GABRG3: variants seen among roughly 807,000 people sequenced by gnomAD.
GABRG3 encodes gamma-aminobutyric acid type A receptor subunit gamma3.
Under a neutral mutation model 48.8 loss-of-function variants are expected in GABRG3, and 25 were observed. That is an observed-to-expected ratio of 0.51 (90% confidence interval 0.37 to 0.72). GABRG3 has a LOEUF of 0.72. Ranked by LOEUF, GABRG3 falls within the 30% of genes least tolerant of loss-of-function variation. The pLI is 0.00. For synonymous variants in GABRG3, 227 were observed against 217.6 expected, an observed-to-expected ratio of 1.04 and a Z score of -0.38; for missense variants, 394 against 577.9, an observed-to-expected ratio of 0.68 and a Z score of 3.26.
At chr15:27,125,869 A>C (rs1300161781) in intron 3 of GABRG3, among the ~76,000 whole-genome samples, 1 of 152,236 alleles carries the variant, frequency 6.6e-6, no homozygotes. Flanking sequence ...ACTATTGCAA[A>C]CACCAAATGA....
At chr15:27,387,861 AGGAAGGAGGGAGGGAGGGAGG>A (rs1566817169) in intron 5 of GABRG3, among the ~76,000 whole-genome samples, 1 of 44,696 alleles carries the variant, frequency 2.2e-5, no homozygotes, top group African/African-American at 8.1e-5. Flanking sequence ...AAGAGAAGGG[AGGAAGGAGGGAGGGAGGGAGG>A]GGAAGGAGGG....
intron 3 of GABRG3, among the ~76,000 whole-genome samples, chr15:27,090,904 G>A (rs1235707176): frequency 6.6e-6 from 1 of 151,948 alleles, no homozygotes; most frequent in Admixed American, 6.6e-5. Context: ...TCTAACTGTG[G>A]GTGTGTTCTT....
At chr15:27,284,031 T>G (rs1353324109) in intron 3 of GABRG3, among the ~76,000 whole-genome samples, 1 of 152,160 alleles carries the variant, frequency 6.6e-6, no homozygotes, top group Non-Finnish European at 1.5e-5. Context: ...ACCTCATCTG[T>G]AACCTGGGGT....
intron 5 of GABRG3, among the ~76,000 whole-genome samples, chr15:27,382,020 G>A (rs1205249872): frequency 6.6e-6 from 1 of 152,182 alleles, no homozygotes; most frequent in Non-Finnish European, 1.5e-5. Flanking sequence ...AATGTTAAAT[G>A]TAGTTATTAT....
In GABRG3 at chr15:27,308,348, CAT is replaced by C. The variant is rs1033305475; in HGVS notation, c.271-18459_271-18458del. ...CGTTTATATATAAACATAATATAAACATACGTTTATATATAAACATATAAACA... is the reference window on the plus strand; with the variant it reads ...CGTTTATATATAAACATAATATAAACACGTTTATATATAAACATATAAACA... On this transcript the variant is annotated intron_variant, in intron 3 of 9. Coordinates refer to ENST00000615808, the MANE Select transcript of GABRG3 (RefSeq NM_033223.5). Among the ~76,000 whole-genome samples the C allele has an allele frequency of 4.3e-5, 5 of 117,086 alleles. 1 individual carries two copies. The highest frequency in any genetic ancestry group is 8.5e-5 in the Admixed American group (1 of 11,730). The allele number at this position is 117,086 out of a possible 152,430, so 76.8% of individuals were successfully genotyped here. A position where few individuals can be genotyped will look rare whatever the true frequency, so the allele number is the denominator to read the frequency against.
chr15:27,520,170 T>C, intron 7 of GABRG3, 46 bp downstream of exon 7: 1 of 1,516,842 alleles, frequency 6.6e-7, no homozygotes, highest in Non-Finnish European at 8.9e-7. Flanking sequence ...AATTGTAATA[T>C]AGAAGCATTC....
chr15:27,066,573 A>C (rs17562513), intron 3 of GABRG3, among the ~76,000 whole-genome samples: 1 of 152,082 alleles, frequency 6.6e-6, no homozygotes, highest in African/African-American at 2.4e-5. Flanking sequence ...TCAGGCCACC[A>C]GAAGGACTTT....
chr15:27,231,651 C>G (rs1038046075), intron 3 of GABRG3, among the ~76,000 whole-genome samples: 2 of 152,178 alleles, frequency 1.3e-5, no homozygotes, highest in African/African-American at 4.8e-5. Flanking sequence ...GGCTGACATC[C>G]TAGAAAATCC....
At chr15:27,471,663 G>A (rs1416041757) in intron 5 of GABRG3, among the ~76,000 whole-genome samples, 1 of 152,092 alleles carries the variant, frequency 6.6e-6, no homozygotes, top group Non-Finnish European at 1.5e-5. Context: ...TTGCAAATGT[G>A]GTTTCAGAAT....
chr15:27,359,015 A>T (rs1046506467), intron 5 of GABRG3, among the ~76,000 whole-genome samples: 3 of 152,188 alleles, frequency 2.0e-5, no homozygotes, highest in Non-Finnish European at 2.9e-5. Context: ...AGCCGCAGTG[A>T]CACCTTCTGG....
intron 3 of GABRG3, among the ~76,000 whole-genome samples, chr15:27,116,856 A>G (rs977457862): frequency 6.6e-6 from 1 of 152,196 alleles, no homozygotes; most frequent in Non-Finnish European, 1.5e-5. Context: ...GCATCAAGAG[A>G]TACCATCTTG....
At chr15:27,443,486 A>G (rs1888851604) in intron 5 of GABRG3, among the ~76,000 whole-genome samples, 1 of 152,244 alleles carries the variant, frequency 6.6e-6, no homozygotes, top group African/African-American at 2.4e-5. Context: ...ATTTTGAATC[A>G]TATATTGCTA....
rs1891563378 is a variant in GABRG3, at chr15:27,537,093, T to C, written c.*4212T>C. ...GCTTTTCCTGAGCGATTTTAAACTC[T>C]ACCCGTAAGAAATTTCATCTGCAAT... On this transcript the variant is annotated 3_prime_UTR_variant, in exon 10 of 10. Transcript: ENST00000615808. 2 of 143,448 alleles carry C rather than the reference T, an allele frequency of 1.4e-5. No homozygotes were observed. Among genetic ancestry groups the C allele is most frequent in the African/African-American group, 5.2e-5 (2 of 38,512 alleles). 8.9% of individuals were successfully genotyped at this position (143,448 alleles called of 1,614,324 possible).
At chr15:27,228,511 C>T (rs916301527) in intron 3 of GABRG3, among the ~76,000 whole-genome samples, 30 of 152,090 alleles carry the variant, frequency 2.0e-4, no homozygotes, top group Admixed American at 1.0e-3. Context: ...TTGTGAACAG[C>T]GCTGCAATGA....
chr15:27,089,549 A>T (rs942072433), intron 3 of GABRG3, among the ~76,000 whole-genome samples: 1 of 152,104 alleles, frequency 6.6e-6, no homozygotes, highest in Non-Finnish European at 1.5e-5. Flanking sequence ...GGAGACAAGC[A>T]TGTGTTTGCA....
chr15:27,184,357 G>A (rs1367303994), intron 3 of GABRG3, among the ~76,000 whole-genome samples: 2 of 152,086 alleles, frequency 1.3e-5, no homozygotes, highest in Non-Finnish European at 2.9e-5. Context: ...TTTACATCCT[G>A]TTTTCAGGCA....
At chr15:27,357,397 C>A (rs1292937144) in intron 5 of GABRG3, among the ~76,000 whole-genome samples, 1 of 152,230 alleles carries the variant, frequency 6.6e-6, no homozygotes, top group African/African-American at 2.4e-5. Context: ...CTCAGTCCTA[C>A]ACAAGGCTCT....
intron 3 of GABRG3, among the ~76,000 whole-genome samples, chr15:27,323,805 G>A (rs1029201426): frequency 3.3e-5 from 5 of 152,088 alleles, no homozygotes; most frequent in African/African-American, 9.7e-5. Flanking sequence ...CAGTCTGGAC[G>A]GGCTCCTCTG....
chr15:27,283,625 T>C (rs1891510650), intron 3 of GABRG3, among the ~76,000 whole-genome samples: 1 of 152,150 alleles, frequency 6.6e-6, no homozygotes, highest in Non-Finnish European at 1.5e-5. Flanking sequence ...GTGGTCTATC[T>C]TGGTAGGCTA....
Sources: allele counts gnomAD v4.1 joint callset (sites outside exome capture counted in the v4.1 genomes callset), GRCh38; gene constraint gnomAD v4.1.1; transcripts MANE v1.5; gene names NCBI Gene and HGNC (gene_info 2026-07-23, HGNC 2026-07-21).